Variants in RAD54B observed in about 807,000 individuals in gnomAD.
RAD54B encodes DNA repair and recombination protein RAD54B.
RAD54B carries 78 observed loss-of-function variants against 95.8 expected under a neutral mutation model. That is an observed-to-expected ratio of 0.81 (90% CI 0.68 to 0.98). The LOEUF is 0.98. RAD54B is among the 50% of genes least tolerant of loss of function. RAD54B has a pLI of 0.00. For missense variants in RAD54B, 957 were observed against 1,056.6 expected, an observed-to-expected ratio of 0.91 and a Z score of 1.31; for synonymous variants, 328 against 354.9, an observed-to-expected ratio of 0.92 and a Z score of 0.85.
At chr8:94,426,973 T>C (rs1471434795) in intron 3 of RAD54B, among the ~76,000 whole-genome samples, 1 of 152,142 alleles carries the variant, frequency 6.6e-6, no homozygotes, top group Non-Finnish European at 1.5e-5. Context: ...AAAAAAAGAA[T>C]TGATGGATAA....
intron 3 of RAD54B, among the ~76,000 whole-genome samples, chr8:94,435,128 A>G (rs1469362926): frequency 6.6e-6 from 1 of 152,062 alleles, no homozygotes; most frequent in East Asian, 1.9e-4. Context: ...CAAGGGAGAG[A>G]AAATTCTGCA....
chr8:94,422,651 T>TATATATATATATATAA (rs556821145), intron 3 of RAD54B, among the ~76,000 whole-genome samples: 3 of 88,908 alleles, frequency 3.4e-5, no homozygotes, highest in Non-Finnish European at 2.2e-5. Context: ...TATATATATA[T>TATATATATATATATAA]ATAAAATTAT....
intron 3 of RAD54B, chr8:94,428,675 T>G (rs1340677463): frequency 3.6e-6 from 3 of 841,634 alleles, no homozygotes; most frequent in Non-Finnish European, 4.3e-6. Context: ...GCCTGAATAT[T>G]TTCAATCCAC....
At chr8:94,402,821 T>C (rs894124716) in intron 6 of RAD54B, among the ~76,000 whole-genome samples, 3 of 152,192 alleles carry the variant, frequency 2.0e-5, no homozygotes, top group Non-Finnish European at 2.9e-5. Flanking sequence ...TTAGAAGCCA[T>C]TGCAATAGTC....
intron 3 of RAD54B, among the ~76,000 whole-genome samples, chr8:94,444,180 T>C (rs1437477634): frequency 1.3e-5 from 2 of 151,632 alleles, no homozygotes; most frequent in Non-Finnish European, 2.9e-5. Flanking sequence ...TAACAGTAGG[T>C]TTTCCTCATT....
At chr8:94,392,371 C>G (rs1433746849) in intron 9 of RAD54B, among the ~76,000 whole-genome samples, 1 of 152,070 alleles carries the variant, frequency 6.6e-6, no homozygotes, top group Non-Finnish European at 1.5e-5. Context: ...AAGGGAACCT[C>G]TTGCCTCAGC....
chr8:94,421,983 A>G (rs1811816755), intron 3 of RAD54B, among the ~76,000 whole-genome samples: 1 of 152,226 alleles, frequency 6.6e-6, no homozygotes, highest in Non-Finnish European at 1.5e-5. Flanking sequence ...TGAAGGAAGT[A>G]TGCTATTTCC....
intron 3 of RAD54B, among the ~76,000 whole-genome samples, chr8:94,412,945 T>C (rs1050876723): frequency 6.6e-6 from 1 of 152,150 alleles, no homozygotes; most frequent in African/African-American, 2.4e-5. Flanking sequence ...TAAAATTTTT[T>C]AAATTCCATT....
rs377463964 is a variant in RAD54B at position 94,391,770 on chromosome 8, G to A, written c.1648C>T (p.Arg550Ter). 7.4e-6 allele frequency: 12 copies of A among 1,613,806 alleles called. No individual in the cohort carries two copies. The highest frequency in any genetic ancestry group is 2.7e-5 in the African/African-American group (2 of 74,840). ...PPKIENVVFC[R>*]PGALQIELYR... The stretch of plus-strand genomic sequence containing the variant: ...AGCTCAATCTGTAGTGCTCCTGGTC[G>A]GCAAAAGACAACATTCTCTATTTTA... Residue 550 changes from arginine to a stop codon, truncating the protein, a stop_gained, in exon 10 of 15, where the codon CGA becomes TGA. Transcript: ENST00000336148. LOFTEE classifies it high-confidence loss of function.
chr8:94,407,614 G>A lies in RAD54B; in HGVS notation c.606C>T (p.Phe202=), dbSNP rs781359819. The A allele has an allele frequency of 3.7e-6, 6 of 1,613,988 alleles. No homozygotes were observed. Among genetic ancestry groups the A allele is most frequent in the Middle Eastern group, 3.3e-4 (2 of 6,060 alleles). Residue 202 remains phenylalanine, a synonymous_variant, in exon 5 of 15, where the codon TTC becomes TTT. Coordinates refer to ENST00000336148, the MANE Select transcript of RAD54B (RefSeq NM_012415.3). ...EVMGVISPDD[F]SSGRCFQLGG... is the part of the protein sequence containing the mutation. Reference sequence around the variant, plus strand: ...CAAGCTGAAAACACCTGCCACTGCTGAAGTCATCTGGAGAGATTACACCCA... The same window carrying A: ...CAAGCTGAAAACACCTGCCACTGCTAAAGTCATCTGGAGAGATTACACCCA...
intron 3 of RAD54B, among the ~76,000 whole-genome samples, chr8:94,444,922 C>G (rs1812486029): frequency 6.6e-6 from 1 of 152,112 alleles, no homozygotes; most frequent in Non-Finnish European, 1.5e-5. Context: ...TCTCTGTGTC[C>G]CAGTCTCTGT....
chr8:94,466,937 T>C (rs185380277), intron 2 of RAD54B, among the ~76,000 whole-genome samples: 22 of 152,284 alleles, frequency 1.4e-4, no homozygotes, highest in East Asian at 5.8e-4. Flanking sequence ...CATTGATTGA[T>C]TGAATGAGAC....
rs1156272710 is a variant in RAD54B, at chr8:94,415,457, G to A, written c.305-4142C>T. On this transcript the variant is annotated intron_variant, in intron 3 of 14. Transcript: ENST00000336148. ...ATTACCATTCAGGACACAGGCATGG[G>A]CAAGGACTTCATGTCTAAAACACCA... Among the ~76,000 whole-genome samples, 5 of 150,590 alleles carry A rather than the reference G, an allele frequency of 3.3e-5. No individual in the cohort carries two copies. In the East Asian group the frequency reaches 9.8e-4, roughly 29 times the overall value.
Position 94,429,048 on chromosome 8 carries a change from T to C in RAD54B, c.305-17733A>G, listed in dbSNP as rs139167597. ...GGAGAATTATATGCATTTAAACTTTTGCAAATTAAAAGTAAACAAGACTGA... is the reference window on the plus strand; with the variant it reads ...GGAGAATTATATGCATTTAAACTTTCGCAAATTAAAAGTAAACAAGACTGA... On this transcript the variant is annotated intron_variant, in intron 3 of 14. Transcript: ENST00000336148. 1.4e-3 allele frequency: 1,401 copies of C among 985,170 alleles called. 14 individuals carry two copies. The African/African-American group carries it at 0.022, about 16-fold the overall frequency. The allele number at this position is 985,170 out of a possible 1,614,324, so 61.0% of individuals were successfully genotyped here. A position where few individuals can be genotyped will look rare whatever the true frequency, so the allele number is the denominator to read the frequency against.
At chr8:94,472,227 T>C (rs1813187940) in intron 1 of RAD54B, among the ~76,000 whole-genome samples, 1 of 152,158 alleles carries the variant, frequency 6.6e-6, no homozygotes, top group Non-Finnish European at 1.5e-5. Flanking sequence ...CAGAAGTCAG[T>C]ACAAATTCTG....
intron 3 of RAD54B, chr8:94,432,273 A>G (rs900377638): frequency 1.9e-6 from 3 of 1,550,300 alleles, no homozygotes; most frequent in Non-Finnish European, 2.6e-6. Context: ...ATACAATCCA[A>G]AATTTTTTTG....
intron 3 of RAD54B, among the ~76,000 whole-genome samples, chr8:94,453,366 T>G (rs1344948346): frequency 5.9e-5 from 9 of 151,986 alleles, no homozygotes; most frequent in Admixed American, 5.9e-4. Context: ...CTGTCTCTAC[T>G]AAAAATACAA....
chr8:94,392,301 A>G (rs1811041332), intron 9 of RAD54B, among the ~76,000 whole-genome samples: 2 of 152,032 alleles, frequency 1.3e-5, no homozygotes, highest in Admixed American at 1.3e-4. Flanking sequence ...CTGCTCTATC[A>G]CCCAGGCTGG....
chr8:94,442,756 A>T (rs781061785), intron 3 of RAD54B, among the ~76,000 whole-genome samples: 55 of 152,200 alleles, frequency 3.6e-4, no homozygotes, highest in Non-Finnish European at 7.3e-4. Flanking sequence ...CTTGTAAAAG[A>T]AAATAAAATC....
Sources: gnomAD v4.1 joint callset for allele counts (sites outside exome capture counted in the v4.1 genomes callset) on GRCh38, gnomAD v4.1.1 for gene constraint, MANE v1.5 for transcripts, NCBI Gene and HGNC (gene_info 2026-07-23, HGNC 2026-07-21) for gene names.